The following PCDH11Y variants were observed in gnomAD, a reference collection of about 807,000 sequenced individuals.
PCDH11Y encodes the protein protocadherin 11 Y-linked, also known as protocadherin-11 Y-linked.
For synonymous variants in PCDH11Y, 9 were observed against 83.6 expected (o/e 0.11, Z 4.87); for missense variants, 12 against 224.8 (o/e 0.05, Z 6.05).
intron 4 of PCDH11Y, among the ~76,000 whole-genome samples, chrY:5,727,697 AT>A (rs2053599784): frequency 3.1e-5 from 1 of 32,045 alleles, no homozygotes; most frequent in Non-Finnish European, 7.7e-5. Flanking sequence ...TCTGGAAAAA[AT>A]AATTCTGAAT....
intron 2 of PCDH11Y, among the ~76,000 whole-genome samples, chrY:5,182,236 C>A: frequency 3.1e-5 from 1 of 32,743 alleles, no homozygotes; most frequent in South Asian, 7.0e-4. Context: ...TTCTCCCATA[C>A]CTGAAAGTAT....
intron 4 of PCDH11Y, among the ~76,000 whole-genome samples, chrY:5,624,283 A>G: frequency 3.5e-5 from 1 of 28,260 alleles, no homozygotes; most frequent in Non-Finnish European, 8.4e-5. Flanking sequence ...CCCATTCTGC[A>G]TGTTGTCTGT....
At chrY:5,541,471 G>C in intron 3 of PCDH11Y, among the ~76,000 whole-genome samples, 2 of 32,746 alleles carry the variant, frequency 6.1e-5, no homozygotes, top group Non-Finnish European at 1.5e-4. Context: ...AGATAATAGA[G>C]TAAGGCAGGA....
chrY:5,125,777 G>A, intron 2 of PCDH11Y, among the ~76,000 whole-genome samples: 3 of 33,640 alleles, frequency 8.9e-5, no homozygotes, highest in Non-Finnish European at 2.2e-4. Context: ...ACGCATGTGC[G>A]CGTGTATAAA....
intron 2 of PCDH11Y, among the ~76,000 whole-genome samples, chrY:5,257,196 T>C (rs2053012127): frequency 3.0e-5 from 1 of 33,007 alleles, no homozygotes; most frequent in Non-Finnish European, 7.4e-5. Context: ...ATGCCTTTTA[T>C]TATATTGAGG....
chrY:5,101,364 G>A, exon 2 of PCDH11Y: 13 of 127,093 alleles, frequency 1.0e-4, no homozygotes, highest in Non-Finnish European at 1.3e-4. Flanking sequence ...TATATATGAG[G>A]TCTCTACTTT....
intron 4 of PCDH11Y, among the ~76,000 whole-genome samples, chrY:5,619,292 A>G (rs2124702048): frequency 3.0e-5 from 1 of 33,047 alleles, no homozygotes; most frequent in East Asian, 8.1e-4. Flanking sequence ...ATTCTTTGAC[A>G]CACAGAATAA....
At chrY:5,343,343 T>A (rs2053148028) in intron 2 of PCDH11Y, among the ~76,000 whole-genome samples, 1 of 27,658 alleles carries the variant, frequency 3.6e-5, no homozygotes, top group African/African-American at 1.4e-4. Context: ...AAGCTCCACC[T>A]CCCGGGTTCA....
chrY:5,038,518 G>GTGTATT (rs2052602629), intron 3 of PCDH11Y, among the ~76,000 whole-genome samples: 1 of 32,108 alleles, frequency 3.1e-5, no homozygotes, highest in Non-Finnish European at 7.6e-5. Context: ...AGTTATTTTG[G>GTGTATT]TGTATTACCA....
At chrY:5,460,226 C>T in intron 2 of PCDH11Y, among the ~76,000 whole-genome samples, 3 of 32,750 alleles carry the variant, frequency 9.2e-5, no homozygotes, top group African/African-American at 3.5e-4. Flanking sequence ...TGTACATTAA[C>T]GACTGCCAAT....
intron 2 of PCDH11Y, among the ~76,000 whole-genome samples, chrY:5,267,774 T>C: frequency 3.0e-5 from 1 of 33,655 alleles, no homozygotes; most frequent in African/African-American, 1.2e-4. Context: ...ATAATACAAA[T>C]AATTTCTTTA....
chrY:5,315,402 G>C (rs2053106042), intron 2 of PCDH11Y, among the ~76,000 whole-genome samples: 1 of 34,242 alleles, frequency 2.9e-5, no homozygotes. Context: ...GACAAATGGA[G>C]ATCCAGTAAT....
chrY:5,583,423 G>T (rs2053452566), intron 4 of PCDH11Y, among the ~76,000 whole-genome samples: 1 of 29,337 alleles, frequency 3.4e-5, no homozygotes, highest in Non-Finnish European at 8.2e-5. Context: ...GAAGAATGTC[G>T]TGATTATTTT....
At chrY:5,602,475 G>A in intron 4 of PCDH11Y, among the ~76,000 whole-genome samples, 1 of 32,804 alleles carries the variant, frequency 3.0e-5, no homozygotes, top group African/African-American at 1.2e-4. Flanking sequence ...AATTAGGCTT[G>A]GGGAAGAGAA....
chrY:5,505,004 G>A, intron 3 of PCDH11Y, among the ~76,000 whole-genome samples: 1 of 32,916 alleles, frequency 3.0e-5, no homozygotes, highest in Non-Finnish European at 7.6e-5. Context: ...CTATGTTTAT[G>A]AAGCCAGGGT....
rs1602938620 is a variant in PCDH11Y at position 5,529,568 on chromosome Y, C to A, written c.3328+28313C>A. Among the ~76,000 whole-genome samples the A allele has an allele frequency of 1.6e-4, 5 of 32,211 alleles. No homozygotes were observed. The East Asian group carries it at 4.0e-3, about 26-fold the overall frequency. 86.4% of individuals were successfully genotyped at this position (32,211 alleles called of 37,273 possible). A position where few individuals can be genotyped will look rare whatever the true frequency, so the allele number is the denominator to read the frequency against. On this transcript the variant is annotated intron_variant, in intron 3 of 4. Coordinates refer to the PCDH11Y transcript ENST00000400457. ...ATTATTTCACATTGCATGCCTGTAT[C>A]AAAACATCTCATGTACCCCATAAAT...
chrY:5,371,562 A>G, intron 2 of PCDH11Y, among the ~76,000 whole-genome samples: 2 of 33,303 alleles, frequency 6.0e-5, no homozygotes, highest in Non-Finnish European at 1.5e-4. Flanking sequence ...TAGAATTTGA[A>G]GTTTGGATAA....
rs1602963353 is a variant in PCDH11Y, at chrY:5,714,345, C to G, written c.3353-22927C>G. 7.5e-4 allele frequency among the ~76,000 whole-genome samples: 25 copies of G among 33,424 alleles called. No individual in the cohort carries two copies. In the East Asian group the frequency reaches 0.011, roughly 15 times the overall value. 89.7% of individuals were successfully genotyped at this position (33,424 alleles called of 37,273 possible). A position where few individuals can be genotyped will look rare whatever the true frequency, so the allele number is the denominator to read the frequency against. On this transcript the variant is annotated intron_variant, in intron 4 of 4. Transcript: ENST00000400457. ...GCCCAAAAAGCCGAAATTATCTTGG[C>G]ACCTTGAGGTGAGAAATTCACCCAA...
chrY:5,470,046 A>AT (rs35600927), intron 2 of PCDH11Y, among the ~76,000 whole-genome samples: 58 of 18,449 alleles, frequency 3.1e-3, no homozygotes, highest in Middle Eastern at 0.029. Flanking sequence ...AAGTTTTTTG[A>AT]TTTTTTTTTT....
Sources: allele counts gnomAD v4.1 joint callset (sites outside exome capture counted in the v4.1 genomes callset), GRCh38; gene constraint gnomAD v4.1.1; transcripts MANE v1.5; gene names NCBI Gene and HGNC (gene_info 2026-07-23, HGNC 2026-07-21).